The following BBOF1 variants were observed in gnomAD, a reference collection of about 807,000 sequenced individuals.
BBOF1 encodes the protein basal body orientation factor 1, also known as basal body-orientation factor 1.
A neutral mutation model predicts 68.0 loss-of-function variants in BBOF1; 62 were observed. The observed-to-expected ratio is 0.91, with a 90% confidence interval of 0.74 to 1.13. The LOEUF (loss-of-function observed/expected upper bound fraction) is 1.13, where lower values mean the gene tolerates loss of function less well. Ranked by LOEUF, BBOF1 falls within the 50% of genes most tolerant of loss-of-function variation. The pLI, the probability that BBOF1 is intolerant of heterozygous loss-of-function variation, is 0.00. For synonymous variants in BBOF1, 208 were observed against 198.8 expected, an observed-to-expected ratio of 1.05 and a Z score of -0.39; for missense variants, 534 against 600.1, an observed-to-expected ratio of 0.89 and a Z score of 1.15.
At chr14:74,031,354 C>A (rs1199735180) in intron 3 of BBOF1, among the ~76,000 whole-genome samples, 4 of 152,158 alleles carry the variant, frequency 2.6e-5, no homozygotes, top group Admixed American at 2.0e-4. Context: ...CTTAAGCGAT[C>A]CTTCCAGCTT....
intron 9 of BBOF1, chr14:74,072,250 G>A (rs1339163343): frequency 9.3e-6 from 15 of 1,614,230 alleles, no homozygotes; most frequent in Non-Finnish European, 1.1e-5. Flanking sequence ...ACCTGCTGGC[G>A]GCTTAATACT....
intron 10 of BBOF1, 54 bp downstream of exon 10, chr14:74,057,034 T>TG: frequency 6.3e-7 from 1 of 1,590,078 alleles, no homozygotes. Context: ...ATGGTTCTTG[T>TG]GGGCATCTTG....
chr14:74,028,237 C>T (rs932871161), intron 2 of BBOF1, among the ~76,000 whole-genome samples: 2 of 151,862 alleles, frequency 1.3e-5, no homozygotes, highest in Non-Finnish European at 2.9e-5. Context: ...AGTGTGGTGG[C>T]GCATGCCTAT....
chr14:74,057,278 TCAAA>T lies in BBOF1; in HGVS notation c.1578+24_1578+27del, dbSNP rs2060235098. The T allele has an allele frequency of 1.2e-6, 2 of 1,613,958 alleles. No individual in the cohort carries two copies. The highest frequency in any genetic ancestry group is 1.3e-5 in the African/African-American group (1 of 74,938). ...GACACAGTAAGGAGTCTGTATCTAA[TCAAA>T]CAATGTATATTGTTGTCACCCTTCC... On this transcript the variant is annotated intron_variant, in intron 11 of 11. Coordinates refer to ENST00000394009, the MANE Select transcript of BBOF1 (RefSeq NM_025057.3).
chr14:74,044,475 CTTT>C (rs35074690), intron 5 of BBOF1, among the ~76,000 whole-genome samples: 3 of 135,304 alleles, frequency 2.2e-5, no homozygotes, highest in Non-Finnish European at 3.1e-5. Context: ...AACCTCTTCT[CTTT>C]TTTTTTTTTT....
chr14:74,081,336 T>C (rs1425917056), intron 12 of BBOF1: 1 of 152,166 alleles, frequency 6.6e-6, no homozygotes, highest in Non-Finnish European at 1.5e-5. Flanking sequence ...AAGCAATCAT[T>C]TGATATTGTT....
At chr14:74,038,510 G>A (rs1479634934) in intron 4 of BBOF1, among the ~76,000 whole-genome samples, 1 of 152,136 alleles carries the variant, frequency 6.6e-6, no homozygotes, top group African/African-American at 2.4e-5. Flanking sequence ...ATTGGCTTAT[G>A]GGAACGAATA....
rs1455558259 is a variant in BBOF1 at position 74,055,571 on chromosome 14, TGAAA to T, written c.1287-12_1287-9del. ...TTTTCCTTTTCACATTTTTTTCCTTTGAAATTCTTTAGGACACATATTGAAGGAA... is the reference window on the plus strand; with the variant it reads ...TTTTCCTTTTCACATTTTTTTCCTTTTTCTTTAGGACACATATTGAAGGAA... On this transcript the variant is annotated splice_polypyrimidine_tract_variant and intron_variant, in intron 8 of 11. Transcript: ENST00000394009. The T allele has an allele frequency of 6.3e-7, 1 of 1,584,128 alleles. No homozygotes were observed. The highest frequency in any genetic ancestry group is 1.8e-5 in the Admixed American group (1 of 56,840).
intron 5 of BBOF1, among the ~76,000 whole-genome samples, chr14:74,041,701 A>G (rs1457177294): frequency 3.3e-5 from 5 of 152,092 alleles, no homozygotes; most frequent in African/African-American, 1.2e-4. Context: ...GGCTACAGGC[A>G]TATATCATCA....
At chr14:74,067,968 G>A (rs906727573), downstream of BBOF1, among the ~76,000 whole-genome samples, 2 of 146,580 alleles carry the variant, frequency 1.4e-5, no homozygotes, top group Non-Finnish European at 3.0e-5. Flanking sequence ...GTTGTCTGCT[G>A]GGTTTTTTAG....
chr14:74,030,082 C>T (rs2140980917), intron 3 of BBOF1, among the ~76,000 whole-genome samples: 1 of 152,204 alleles, frequency 6.6e-6, no homozygotes, highest in Admixed American at 6.5e-5. Flanking sequence ...AGGATATATA[C>T]CAGTAAGGAT....
At chr14:74,051,895 A>G (rs1180400104) in intron 8 of BBOF1, among the ~76,000 whole-genome samples, 1 of 151,530 alleles carries the variant, frequency 6.6e-6, no homozygotes, top group Non-Finnish European at 1.5e-5. Flanking sequence ...CATCTTCCAA[A>G]TGTGTTTTTT....
At chr14:74,071,124 A>G (rs764596103) in intron 9 of BBOF1, 56 of 1,408,640 alleles carry the variant, frequency 4.0e-5, no homozygotes, top group Non-Finnish European at 5.5e-5. Context: ...ATCCTAAAAC[A>G]TCCAACCATC....
chr14:74,070,444 G>C (rs545124075), downstream of BBOF1, among the ~76,000 whole-genome samples: 1 of 152,146 alleles, frequency 6.6e-6, no homozygotes, highest in East Asian at 1.9e-4. Flanking sequence ...GCTTGAACCT[G>C]GGAGGCAGCG....
chr14:74,032,653 C>G (rs2059600504), intron 3 of BBOF1, among the ~76,000 whole-genome samples: 1 of 151,572 alleles, frequency 6.6e-6, no homozygotes, highest in Non-Finnish European at 1.5e-5. Flanking sequence ...GCCACCATGC[C>G]TGGCTAATTT....
At chr14:74,037,274 CTTTTTTTTTTTTTTTT>C (rs892262272) in intron 4 of BBOF1, among the ~76,000 whole-genome samples, 1 of 65,998 alleles carries the variant, frequency 1.5e-5, no homozygotes, top group African/African-American at 5.4e-5. Flanking sequence ...CGCCTGGCCT[CTTTTTTTTTTTTTTTT>C]TTTTTTTTTT....
At chr14:74,057,759 AG>A (rs1436469172) in intron 11 of BBOF1, 1 of 1,133,946 alleles carries the variant, frequency 8.8e-7, no homozygotes, top group African/African-American at 1.7e-5. Flanking sequence ...TAGAACAAAA[AG>A]AAAATACTGA....
In BBOF1 at chr14:74,062,051, G is replaced by GAAA. The variant is rs369414700; in HGVS notation, c.1579-2610_1579-2608dup. On this transcript the variant is annotated intron_variant, in intron 11 of 11. Coordinates refer to ENST00000394009, the MANE Select transcript of BBOF1 (RefSeq NM_025057.3). ...CATGGCGAAACCTCGTCTCTACTGG[G>GAAA]AAAAAAAAAAAAAAAAAAAAAAAAA... is the stretch of plus-strand genomic sequence containing the variant. Among the ~76,000 whole-genome samples, 192 of 59,592 alleles carry GAAA rather than the reference G, an allele frequency of 3.2e-3. 6 individuals carry two copies. Among genetic ancestry groups the GAAA allele is most frequent in the African/African-American group, 0.01 (177 of 16,956 alleles). The allele number at this position is 59,592 out of a possible 152,430, so 39.1% of individuals were successfully genotyped here. A position where few individuals can be genotyped will look rare whatever the true frequency, so the allele number is the denominator to read the frequency against.
At chr14:74,048,186 A>G (rs1265118370) in intron 7 of BBOF1, 112 bp downstream of exon 7, 1 of 982,704 alleles carries the variant, frequency 1.0e-6, no homozygotes, top group Non-Finnish European at 1.5e-6. Flanking sequence ...GACCATTTTC[A>G]TCTGTCTGGA....
Sources: allele counts gnomAD v4.1 joint callset (sites outside exome capture counted in the v4.1 genomes callset), GRCh38; gene constraint gnomAD v4.1.1; transcripts MANE v1.5; gene names NCBI Gene and HGNC (gene_info 2026-07-23, HGNC 2026-07-21).